LIMS1: variants seen among roughly 807,000 people sequenced by gnomAD.
The protein encoded by LIMS1 is LIM and senescent cell antigen-like-containing domain protein 1.
A neutral mutation model predicts 44.1 loss-of-function variants in LIMS1; 18 were observed. The observed-to-expected ratio is 0.41, with a 90% confidence interval of 0.28 to 0.61. The LOEUF (loss-of-function observed/expected upper bound fraction) is 0.61, where lower values mean the gene tolerates loss of function less well. Ranked by LOEUF, LIMS1 falls within the 20% of genes least tolerant of loss-of-function variation. The pLI is 0.32. For synonymous variants in LIMS1, 93 were observed against 149.1 expected, an observed-to-expected ratio of 0.62 and a Z score of 2.74; for missense variants, 201 against 422.0, an observed-to-expected ratio of 0.48 and a Z score of 4.59.
intron 1 of LIMS1, among the ~76,000 whole-genome samples, chr2:108,548,507 G>C (rs927181829): frequency 6.6e-6 from 1 of 152,182 alleles, no homozygotes; most frequent in African/African-American, 2.4e-5. Context: ...GTATTCGTCA[G>C]GTGCTTTCCC....
At chr2:108,659,900 G>A (rs1289174073) in intron 2 of LIMS1, 136 bp downstream of exon 2, 1 of 1,145,436 alleles carries the variant, frequency 8.7e-7, no homozygotes, top group Non-Finnish European at 1.3e-6. Context: ...CCAGGTATTT[G>A]ATAGCTGTGA....
intron 1 of LIMS1, among the ~76,000 whole-genome samples, chr2:108,594,890 T>TA (rs5833293): frequency 2.6e-5 from 4 of 151,392 alleles, no homozygotes; most frequent in African/African-American, 7.3e-5. Flanking sequence ...AGCATAGCTC[T>TA]AAAAAAAAGG....
chr2:108,668,803 T>G (rs1474629915), intron 2 of LIMS1, among the ~76,000 whole-genome samples: 3 of 152,252 alleles, frequency 2.0e-5, no homozygotes, highest in South Asian at 2.1e-4. Flanking sequence ...TTTATACATA[T>G]AGATGGCATA....
intron 1 of LIMS1, among the ~76,000 whole-genome samples, chr2:108,540,723 T>C (rs1278003196): frequency 6.6e-6 from 1 of 152,210 alleles, no homozygotes; most frequent in Admixed American, 6.5e-5. Context: ...AATACACTGC[T>C]TCTTTATTTT....
At position 108,659,835 on chromosome 2, in the gene LIMS1, G is replaced by C. The variant is rs1691212477; in HGVS notation, c.192+71G>C. ...CCCGCTTCCTGCCCTTCTTTCCTGA[G>C]GCCTCCTCCTTCATGTTCAGTTTCA... On this transcript the variant is annotated intron_variant, in intron 2 of 9. Transcript: ENST00000544547. 5 of 1,611,656 alleles carry C rather than the reference G, an allele frequency of 3.1e-6. No homozygotes were observed. In the African/African-American group the frequency reaches 6.7e-5, roughly 22 times the overall value.
chr2:108,683,906 C>G, exon 10 of LIMS1: 1 of 1,586,620 alleles, frequency 6.3e-7, no homozygotes, highest in Non-Finnish European at 8.6e-7. Flanking sequence ...TGGAGTTTGA[C>G]ATGAAGCCAG....
chr2:108,591,198 AGTTGACATTTGAGTG>A (rs1424274827), intron 1 of LIMS1, among the ~76,000 whole-genome samples: 1 of 152,176 alleles, frequency 6.6e-6, no homozygotes, highest in Admixed American at 6.5e-5. Context: ...TCTTTCATTC[AGTTGACATTTGAGTG>A]GTTGCCCCAT....
At chr2:108,577,269 CCA>C (rs1685705092) in intron 1 of LIMS1, among the ~76,000 whole-genome samples, 2 of 152,248 alleles carry the variant, frequency 1.3e-5, no homozygotes, top group Non-Finnish European at 2.9e-5. Context: ...ACTTCGTGAA[CCA>C]CAGCTAATAC....
intron 1 of LIMS1, among the ~76,000 whole-genome samples, chr2:108,622,149 T>C (rs1688285396): frequency 6.6e-6 from 1 of 152,196 alleles, no homozygotes; most frequent in Admixed American, 6.5e-5. Context: ...TTTTCCCTGT[T>C]CCTGGGATGT....
At chr2:108,610,900 G>T (rs1416324439) in intron 1 of LIMS1, among the ~76,000 whole-genome samples, 7 of 152,158 alleles carry the variant, frequency 4.6e-5, no homozygotes, top group Non-Finnish European at 8.8e-5. Context: ...AGTTGCAGAG[G>T]TCAGGAGCTC....
chr2:108,589,681 C>G (rs1398445551), intron 1 of LIMS1, among the ~76,000 whole-genome samples: 1 of 152,022 alleles, frequency 6.6e-6, no homozygotes, highest in African/African-American at 2.4e-5. Flanking sequence ...TTGCTGCATC[C>G]CATAAGTTTT....
At chr2:108,654,292 T>C (rs1405782810) in intron 1 of LIMS1, among the ~76,000 whole-genome samples, 8 of 152,004 alleles carry the variant, frequency 5.3e-5, no homozygotes, top group Admixed American at 1.3e-4. Flanking sequence ...TTAGTCATGA[T>C]AGAGACTGAG....
intron 1 of LIMS1, among the ~76,000 whole-genome samples, chr2:108,621,900 G>A (rs1248773968): frequency 2.0e-5 from 3 of 152,144 alleles, no homozygotes; most frequent in Admixed American, 6.5e-5. Context: ...CTGAAATGGT[G>A]TAACAAAGGA....
intron 1 of LIMS1, among the ~76,000 whole-genome samples, chr2:108,569,764 C>CTTTTTTTTTTTTTTTTTTTTTT (rs10596766): frequency 8.0e-5 from 9 of 113,126 alleles, no homozygotes; most frequent in East Asian, 3.3e-4. Flanking sequence ...CCATATCTGG[C>CTTTTTTTTTTTTTTTTTTTTTT]TTTTTTTTTT....
chr2:108,601,012 C>A (rs1019729126), intron 1 of LIMS1, among the ~76,000 whole-genome samples: 1 of 152,050 alleles, frequency 6.6e-6, no homozygotes, highest in African/African-American at 2.4e-5. Context: ...CTGCTCACTG[C>A]AACTTCTGCC....
chr2:108,629,141 A>G (rs1688751988), intron 1 of LIMS1, among the ~76,000 whole-genome samples: 1 of 152,230 alleles, frequency 6.6e-6, no homozygotes, highest in African/African-American at 2.4e-5. Context: ...TTTTATTGTC[A>G]GAATTCTAAT....
At chr2:108,682,043 C>G (rs1052248168) in intron 9 of LIMS1, among the ~76,000 whole-genome samples, 12 of 151,968 alleles carry the variant, frequency 7.9e-5, no homozygotes, top group African/African-American at 2.9e-4. Context: ...TCTTCAAACT[C>G]TTTTTTTATT....
At chr2:108,575,675 G>C (rs572305994) in intron 1 of LIMS1, among the ~76,000 whole-genome samples, 2 of 152,256 alleles carry the variant, frequency 1.3e-5, no homozygotes, top group East Asian at 3.9e-4. Context: ...CCCACCTCTT[G>C]TTCTCCAGCT....
chr2:108,589,231 C>T (rs1364369968), intron 1 of LIMS1, among the ~76,000 whole-genome samples: 3 of 151,330 alleles, frequency 2.0e-5, no homozygotes, highest in Non-Finnish European at 2.9e-5. Context: ...TTAATTGGCA[C>T]ATTTATTTAT....
Sources: allele counts gnomAD v4.1 joint callset (sites outside exome capture counted in the v4.1 genomes callset), GRCh38; gene constraint gnomAD v4.1.1; transcripts MANE v1.5; gene names NCBI Gene and HGNC (gene_info 2026-07-23, HGNC 2026-07-21).